The following JMJD1C variants were observed in gnomAD, a reference collection of about 807,000 sequenced individuals.
The protein encoded by JMJD1C is jumonji domain-containing protein 1C.
In JMJD1C, 31 loss-of-function variants were observed where a neutral mutation model predicts 245.3. The observed-to-expected ratio is 0.13, with a 90% CI of 0.09 to 0.17. The LOEUF is 0.17. JMJD1C is among the 10% of genes least tolerant of loss of function. The pLI, the probability that JMJD1C is intolerant of heterozygous loss-of-function variation, is 1.00. For missense variants in JMJD1C, 2,691 were observed against 3,000.2 expected, an observed-to-expected ratio of 0.90 and a Z score of 2.41; for synonymous variants, 1,057 against 1,017.4, an observed-to-expected ratio of 1.04 and a Z score of -0.74.
At chr10:63,496,007 C>A in intron 1 of JMJD1C, among the ~76,000 whole-genome samples, 1 of 141,002 alleles carries the variant, frequency 7.1e-6, no homozygotes. Context: ...GATGGATATA[C>A]ACAATATCAC....
intron 21 of JMJD1C, among the ~76,000 whole-genome samples, 190 bp downstream of exon 21, chr10:63,184,417 AT>A (rs1395680302): frequency 1.4e-4 from 21 of 151,166 alleles, no homozygotes; most frequent in East Asian, 5.9e-4. Context: ...TAATTTTTGT[AT>A]TTTTTAGTAG....
intron 2 of JMJD1C, among the ~76,000 whole-genome samples, chr10:63,373,945 C>T (rs1056365370): frequency 6.6e-5 from 10 of 152,078 alleles, no homozygotes; most frequent in Admixed American, 2.0e-4. Flanking sequence ...TTAATTATTA[C>T]AAACAAGCAT....
chr10:63,497,852 A>G (rs1304037392), intron 1 of JMJD1C, among the ~76,000 whole-genome samples: 1 of 152,226 alleles, frequency 6.6e-6, no homozygotes, highest in Non-Finnish European at 1.5e-5. Context: ...AAACATCAGA[A>G]TAAAAGCTCA....
chr10:63,449,777 G>C (rs899464190), intron 1 of JMJD1C, among the ~76,000 whole-genome samples: 4 of 152,052 alleles, frequency 2.6e-5, no homozygotes, highest in Admixed American at 2.6e-4. Flanking sequence ...GTAATGAAAA[G>C]ATATTCATAC....
chr10:63,391,327 G>A (rs535629163), intron 1 of JMJD1C, among the ~76,000 whole-genome samples: 35 of 152,208 alleles, frequency 2.3e-4, no homozygotes, highest in South Asian at 4.1e-4. Context: ...TGGCTAACAC[G>A]GTGAAACCCC....
At chr10:63,381,204 G>T (rs140690542) in intron 1 of JMJD1C, among the ~76,000 whole-genome samples, 12 of 152,118 alleles carry the variant, frequency 7.9e-5, no homozygotes, top group Non-Finnish European at 1.6e-4. Context: ...TCATATGTGG[G>T]AGTCAAAAAC....
intron 1 of JMJD1C, among the ~76,000 whole-genome samples, chr10:63,409,268 TG>T (rs1282972238): frequency 6.6e-6 from 1 of 152,184 alleles, no homozygotes; most frequent in Admixed American, 6.5e-5. Flanking sequence ...CTGGGAGGGA[TG>T]GAACTGGCAA....
intron 2 of JMJD1C, among the ~76,000 whole-genome samples, chr10:63,375,573 C>T (rs1167779192): frequency 6.7e-6 from 1 of 148,726 alleles, no homozygotes; most frequent in Non-Finnish European, 1.5e-5. Flanking sequence ...GTTTTAGAGA[C>T]AGGGTCTCAC....
intron 23 of JMJD1C, 192 bp downstream of exon 23, chr10:63,177,525 C>G: frequency 1.7e-6 from 1 of 589,700 alleles, no homozygotes; most frequent in East Asian, 3.0e-5. Flanking sequence ...CATTCAAAAC[C>G]CTCAAAATGT....
chr10:63,506,966 TAC>T (rs747659509), intron 1 of JMJD1C, among the ~76,000 whole-genome samples: 1 of 152,220 alleles, frequency 6.6e-6, no homozygotes, highest in Non-Finnish European at 1.5e-5. Flanking sequence ...CTAATCTTTT[TAC>T]AGTCTCCATG....
intron 1 of JMJD1C, among the ~76,000 whole-genome samples, chr10:63,520,685 G>C (rs1040060707): frequency 1.3e-5 from 2 of 152,144 alleles, no homozygotes; most frequent in Non-Finnish European, 2.9e-5. Context: ...TTGAACATCT[G>C]GCAGGCCTCA....
At chr10:63,279,446 A>C (rs1237594317) in intron 2 of JMJD1C, among the ~76,000 whole-genome samples, 1 of 152,210 alleles carries the variant, frequency 6.6e-6, no homozygotes, top group Non-Finnish European at 1.5e-5. Context: ...AGGTTTAAAA[A>C]CTCAAACTAC....
intron 1 of JMJD1C, among the ~76,000 whole-genome samples, chr10:63,408,337 A>G (rs1320765803): frequency 1.3e-5 from 2 of 152,034 alleles, no homozygotes; most frequent in African/African-American, 2.4e-5. Context: ...TGGGAGGCGA[A>G]GGTTGCAGTA....
chr10:63,422,718 A>G (rs1289127332), intron 1 of JMJD1C, among the ~76,000 whole-genome samples: 3 of 152,246 alleles, frequency 2.0e-5, no homozygotes, highest in Non-Finnish European at 4.4e-5. Context: ...ACAAAAATAA[A>G]TAGTGGAACT....
chr10:63,272,205 G>A (rs1467977444), intron 2 of JMJD1C, among the ~76,000 whole-genome samples: 1 of 152,112 alleles, frequency 6.6e-6, no homozygotes, highest in African/African-American at 2.4e-5. Flanking sequence ...GTAAAGTATG[G>A]CTTTATTTTA....
chr10:63,275,424 T>C (rs1856687877), intron 2 of JMJD1C, among the ~76,000 whole-genome samples: 1 of 152,218 alleles, frequency 6.6e-6, no homozygotes. Context: ...TATTTTTAAT[T>C]TGCTTTACTG....
Position 63,189,156 on chromosome 10 carries a change from T to C in JMJD1C, c.6570+12A>G. On this transcript the variant is annotated intron_variant, in intron 18 of 25. Transcript: ENST00000399262. Reference sequence around the variant, plus strand: ...CCACCAAGAGTGTTCTTTATCAGCCTAAAATACACACCTGTCCTTGTTTCC... The same window carrying C: ...CCACCAAGAGTGTTCTTTATCAGCCCAAAATACACACCTGTCCTTGTTTCC... 2 of 1,589,984 alleles carry C rather than the reference T, an allele frequency of 1.3e-6. No homozygotes were observed. Among genetic ancestry groups the C allele is most frequent in the Non-Finnish European group, 1.7e-6 (2 of 1,169,560 alleles).
At chr10:63,486,137 TAAAAAAAAAAAA>T (rs1166721473) in intron 1 of JMJD1C, among the ~76,000 whole-genome samples, 17 of 73,290 alleles carry the variant, frequency 2.3e-4, no homozygotes, top group African/African-American at 1.2e-3. Flanking sequence ...CAAGCAATTG[TAAAAAAAAAAAA>T]AAAAAAAAAA....
At chr10:63,489,189 C>G (rs1179828563) in intron 1 of JMJD1C, among the ~76,000 whole-genome samples, 2 of 152,154 alleles carry the variant, frequency 1.3e-5, no homozygotes, top group African/African-American at 4.8e-5. Flanking sequence ...CACCTGAGGT[C>G]AGGAGTTTGA....
Sources: allele counts gnomAD v4.1 joint callset (sites outside exome capture counted in the v4.1 genomes callset), GRCh38; gene constraint gnomAD v4.1.1; transcripts MANE v1.5; gene names NCBI Gene and HGNC (gene_info 2026-07-23, HGNC 2026-07-21).